Variants in ABCD2 observed in about 807,000 individuals in gnomAD.
ABCD2 encodes ATP binding cassette subfamily D member 2, also known as ATP-binding cassette sub-family D member 2.
Under a neutral mutation model 70.9 loss-of-function variants are expected in ABCD2, and 36 were observed. That is an observed-to-expected ratio of 0.51 (90% CI 0.39 to 0.67). ABCD2 has a LOEUF of 0.67. Ranked by LOEUF, ABCD2 falls within the 30% of genes least tolerant of loss-of-function variation. The pLI is 0.00. For missense variants in ABCD2, 729 were observed against 890.2 expected, an observed-to-expected ratio of 0.82 and a Z score of 2.30; for synonymous variants, 304 against 306.9, an observed-to-expected ratio of 0.99 and a Z score of 0.10.
chr12:39,587,777 G>A (rs187213145), intron 6 of ABCD2, among the ~76,000 whole-genome samples: 34 of 152,186 alleles, frequency 2.2e-4, no homozygotes, highest in African/African-American at 8.2e-4. Flanking sequence ...AACGAAGGAA[G>A]AAACCTTAAA....
chr12:39,605,480 G>A (rs1012885968), intron 3 of ABCD2, among the ~76,000 whole-genome samples: 13 of 151,952 alleles, frequency 8.6e-5, no homozygotes, highest in African/African-American at 2.9e-4. Flanking sequence ...CCCCAATCCA[G>A]CTTCTTTTGA....
downstream of ABCD2, among the ~76,000 whole-genome samples, chr12:39,546,844 G>A (rs1335974381): frequency 3.9e-5 from 6 of 151,924 alleles, 1 homozygote; most frequent in Admixed American, 3.9e-4. Flanking sequence ...AAAATAAAAT[G>A]AGTAAGAGGA....
At chr12:39,598,784 A>G (rs1013772234) in intron 6 of ABCD2, among the ~76,000 whole-genome samples, 1 of 152,238 alleles carries the variant, frequency 6.6e-6, no homozygotes, top group Non-Finnish European at 1.5e-5. Context: ...GCTTTCTTTT[A>G]CATCATAAAA....
chr12:39,601,905 T>A (rs577257312), intron 5 of ABCD2, among the ~76,000 whole-genome samples: 44 of 152,090 alleles, frequency 2.9e-4, no homozygotes, highest in Non-Finnish European at 5.3e-4. Context: ...AAATGATTTT[T>A]AAAAAATCAT....
At chr12:39,579,077 T>C (rs1941560211) in intron 8 of ABCD2, among the ~76,000 whole-genome samples, 1 of 152,136 alleles carries the variant, frequency 6.6e-6, no homozygotes, top group South Asian at 2.1e-4. Flanking sequence ...GAAAAAATAA[T>C]TTGGCCAGTC....
At chr12:39,603,210 C>A (rs1176137817) in intron 5 of ABCD2, among the ~76,000 whole-genome samples, 1 of 152,110 alleles carries the variant, frequency 6.6e-6, no homozygotes, top group East Asian at 1.9e-4. Context: ...ATTCTTTTAT[C>A]AAGTCAAATC....
intron 2 of ABCD2, among the ~76,000 whole-genome samples, chr12:39,614,470 T>C (rs1160738845): frequency 1.3e-5 from 2 of 152,142 alleles, no homozygotes; most frequent in Non-Finnish European, 2.9e-5. Context: ...AGCCTTCTTT[T>C]TTCTTCATTT....
At chr12:39,547,851 AAAT>A (rs796440311), downstream of ABCD2, among the ~76,000 whole-genome samples, 50 of 152,230 alleles carry the variant, frequency 3.3e-4, no homozygotes, top group African/African-American at 1.2e-3. Flanking sequence ...TAAGTCCTCA[AAAT>A]ATTTATGCTG....
chr12:39,581,921 T>C (rs1215774885), intron 7 of ABCD2, among the ~76,000 whole-genome samples: 1 of 152,210 alleles, frequency 6.6e-6, no homozygotes, highest in Admixed American at 6.5e-5. Flanking sequence ...TATACTCTTC[T>C]TTAGTTCGTG....
At chr12:39,536,135 T>C in the ABCD2 span, among the ~76,000 whole-genome samples, 18 of 152,328 alleles carry the variant, frequency 1.2e-4, no homozygotes, top group African/African-American at 4.3e-4. Context: ...GAAAATTCCA[T>C]GTAAAATACA....
At position 39,607,626 on chromosome 12, in the gene ABCD2, AATAGC is replaced by A. The variant is rs1440666436; in HGVS notation, c.1204_1208del (p.Ala402Ter). 1 of 1,612,944 alleles carries A rather than the reference AATAGC, an allele frequency of 6.2e-7. No homozygotes were observed. Among genetic ancestry groups the A allele is most frequent in the Admixed American group, 1.7e-5 (1 of 59,944 alleles). On this transcript the variant is annotated frameshift_variant, in exon 3 of 10. Coordinates refer to ENST00000308666, the MANE Select transcript of ABCD2 (RefSeq NM_005164.4). LOFTEE classifies it high-confidence loss of function. ...CTTTGTATGAAGACATAATCCTTTCAATAGCATCAGCTCCAGAGGCCAGTAAATTT... is the reference window on the plus strand; with the variant it reads ...CTTTGTATGAAGACATAATCCTTTCAATCAGCTCCAGAGGCCAGTAAATTT...
chr12:39,589,515 G>A (rs959198515), intron 6 of ABCD2, among the ~76,000 whole-genome samples: 14 of 151,158 alleles, frequency 9.3e-5, no homozygotes, highest in Admixed American at 2.0e-4. Flanking sequence ...AGCCTCCCAA[G>A]TAGCTGGGAC....
intron 8 of ABCD2, among the ~76,000 whole-genome samples, chr12:39,576,909 TACAATA>T (rs1941525664): frequency 6.6e-6 from 1 of 152,144 alleles, no homozygotes; most frequent in African/African-American, 2.4e-5. Flanking sequence ...TAAACTTTAG[TACAATA>T]ACAATAAGCC....
Position 39,570,661 on chromosome 12 carries a change from G to C in ABCD2, c.2003+3055C>G, listed in dbSNP as rs145414801. On this transcript the variant is annotated intron_variant, in intron 9 of 9. Transcript: ENST00000308666. ...CAAAAATTTCATGACAATGAAATTT[G>C]GATATAAATTTGAAATGACAATGAA... Among the ~76,000 whole-genome samples, 1,045 of 152,132 alleles carry C rather than the reference G, an allele frequency of 6.9e-3. 7 individuals carry two copies. The highest frequency in any genetic ancestry group is 0.025 in the South Asian group (119 of 4,814).
At chr12:39,536,944 A>G in the ABCD2 span, among the ~76,000 whole-genome samples, 1 of 152,172 alleles carries the variant, frequency 6.6e-6, no homozygotes, top group Non-Finnish European at 1.5e-5. Flanking sequence ...ATTGCCAAGT[A>G]GATGTGACTA....
At chr12:39,561,292 C>T (rs564553381) in intron 9 of ABCD2, among the ~76,000 whole-genome samples, 73 of 150,414 alleles carry the variant, frequency 4.9e-4, no homozygotes, top group African/African-American at 1.7e-3. Flanking sequence ...ACTAAGGAGG[C>T]TGAGGCAGGA....
chr12:39,535,558 CAT>C, the ABCD2 span, among the ~76,000 whole-genome samples: 4 of 152,122 alleles, frequency 2.6e-5, no homozygotes, highest in African/African-American at 4.8e-5. Flanking sequence ...AATAAATCTA[CAT>C]AGTTAACATA....
In ABCD2 at chr12:39,607,583, T is replaced by C; in HGVS notation, c.1236+16A>G. Reference sequence around the variant, plus strand: ...AATTTTATTTTAATTGAATTGACAATAAGAAATGCAAGTACCTCTTTGTAT... The same window carrying C: ...AATTTTATTTTAATTGAATTGACAACAAGAAATGCAAGTACCTCTTTGTAT... On this transcript the variant is annotated intron_variant, in intron 3 of 9. Coordinates refer to ENST00000308666, the MANE Select transcript of ABCD2 (RefSeq NM_005164.4). 6.5e-7 allele frequency: 1 copy of C among 1,530,022 alleles called. No homozygotes were observed. The highest frequency in any genetic ancestry group is 1.2e-5 in the South Asian group (1 of 84,722). The allele number at this position is 1,530,022 out of a possible 1,614,324, so 94.8% of individuals were successfully genotyped here. A position where few individuals can be genotyped will look rare whatever the true frequency, so the allele number is the denominator to read the frequency against.
At chr12:39,563,504 C>A (rs1031744296) in intron 9 of ABCD2, among the ~76,000 whole-genome samples, 5 of 151,992 alleles carry the variant, frequency 3.3e-5, no homozygotes, top group Non-Finnish European at 7.4e-5. Context: ...AAGTCCTACC[C>A]AGAGCAATTA....
Sources: gnomAD v4.1 joint callset for allele counts (sites outside exome capture counted in the v4.1 genomes callset) on GRCh38, gnomAD v4.1.1 for gene constraint, MANE v1.5 for transcripts, NCBI Gene and HGNC (gene_info 2026-07-23, HGNC 2026-07-21) for gene names.